UNC45B: variants seen among roughly 807,000 people sequenced by gnomAD.
UNC45B encodes unc-45 myosin chaperone B.
Under a neutral mutation model 98.7 loss-of-function variants are expected in UNC45B, and 78 were observed. The observed-to-expected ratio is 0.79, with a 90% CI of 0.66 to 0.95. The LOEUF is 0.95. Among genes scored for constraint, UNC45B ranks in the 40% least tolerant of loss-of-function variants. UNC45B has a pLI of 0.00. For missense variants in UNC45B, 1,225 were observed against 1,184.9 expected (o/e 1.03, Z -0.50); for synonymous variants, 462 against 480.4 (o/e 0.96, Z 0.50).
In UNC45B at chr17:35,174,305, C is replaced by T. The variant is rs1020631500; in HGVS notation, c.1894C>T (p.Leu632=). Residue 632 remains leucine (L), a synonymous_variant, in exon 14 of 20, where the codon CTG becomes TTG. Coordinates refer to ENST00000394570, the MANE Select transcript of UNC45B (RefSeq NM_001267052.2). ...RLLKAGVISA[L]ACMVKADSAI... ...TCTGAAGGCGGGTGTCATCTCTGCC[C>T]TGGCTTGCATGGTGAAAGCAGATAG... 1.2e-6 allele frequency: 2 copies of T among 1,614,088 alleles called. No individual in the cohort carries two copies. Among genetic ancestry groups the T allele is most frequent in the Admixed American group, 1.7e-5 (1 of 60,000 alleles).
At chr17:35,170,355 C>A in intron 12 of UNC45B, 100 bp downstream of exon 12, 1 of 1,353,640 alleles carries the variant, frequency 7.4e-7, no homozygotes, top group Non-Finnish European at 9.8e-7. Context: ...TGGCTCTACT[C>A]CTTACCCCTG....
rs2092007236 is a variant in UNC45B, at chr17:35,150,195, G to A, written c.353G>A (p.Arg118Lys). The A allele has an allele frequency of 6.2e-7, 1 of 1,613,074 alleles. No homozygotes were observed. The highest frequency in any genetic ancestry group is 1.7e-5 in the Admixed American group (1 of 59,922). Reference sequence around the variant, plus strand: ...AACCAGAACTTCCAGGAGATGCTGAGGAGACTCAACACCAGCATTCAGGAG... The same window carrying A: ...AACCAGAACTTCCAGGAGATGCTGAAGAGACTCAACACCAGCATTCAGGAG... ...PRNQNFQEML[R>K]RLNTSIQEKL... Residue 118 changes from arginine (R) to lysine (K), a missense_variant, in exon 4 of 20, where the codon AGG becomes AAG. Physicochemically the swap from Arg to Lys is conservative, Grantham distance 26. Coordinates refer to ENST00000394570, the MANE Select transcript of UNC45B (RefSeq NM_001267052.2).
rs751985799 is a variant in UNC45B, at chr17:35,168,365, A to G, written c.1452+4A>G. On this transcript the variant is annotated splice_donor_region_variant and intron_variant, in intron 10 of 19. Coordinates refer to ENST00000394570, the MANE Select transcript of UNC45B (RefSeq NM_001267052.2). ...GATCAAGATCCGCACACTGGTGGTG[A>G]GTGGGCTCGGTACCACCCTCCTACT... 8 of 1,337,968 alleles carry G rather than the reference A, an allele frequency of 6.0e-6. No individual in the cohort carries two copies. The allele number at this position is 1,337,968 out of a possible 1,614,324, so 82.9% of individuals were successfully genotyped here.
In UNC45B at chr17:35,174,376, C is replaced by G. The variant is rs2092211857; in HGVS notation, c.1958+7C>G. On this transcript the variant is annotated splice_region_variant and intron_variant, in intron 14 of 19. Coordinates refer to ENST00000394570, the MANE Select transcript of UNC45B (RefSeq NM_001267052.2). Reference sequence around the variant, plus strand: ...CCAAGGAGCTGCTGGCCAGGTGGGGCTGCAGTGGGCCAAGGCTTGGAACTA... The same window carrying G: ...CCAAGGAGCTGCTGGCCAGGTGGGGGTGCAGTGGGCCAAGGCTTGGAACTA... 3 of 1,614,050 alleles carry G rather than the reference C, an allele frequency of 1.9e-6. No individual in the cohort carries two copies. In the African/African-American group the frequency reaches 4.0e-5, roughly 22 times the overall value.
At chr17:35,158,217 T>A (rs2092077442) in intron 7 of UNC45B, among the ~76,000 whole-genome samples, 1 of 152,206 alleles carries the variant, frequency 6.6e-6, no homozygotes, top group Non-Finnish European at 1.5e-5. Flanking sequence ...ATTATTATAA[T>A]GGTCAGCTAG....
chr17:35,166,936 A>G (rs1434941711), intron 9 of UNC45B: 1 of 152,240 alleles, frequency 6.6e-6, no homozygotes, highest in Non-Finnish European at 1.5e-5. Context: ...GTTTCCCACA[A>G]TGCACCAACC....
In UNC45B at chr17:35,148,357, G is replaced by T; in HGVS notation, c.94G>T (p.Ala32Ser). The change falls in exon 2 of 20, where the codon GCC (alanine) becomes TCC (serine). Residue 32 changes from alanine to serine, a missense_variant. Transcript: ENST00000394570. ...YKAATNSYSQ[A>S]LKLTKDKALL... ...GGCCGCCACAAATAGCTACAGCCAG[G>T]CCCTGAAGCTGACCAAGGACAAGGC... is the stretch of plus-strand genomic sequence containing the variant. 1.2e-6 allele frequency: 2 copies of T among 1,614,158 alleles called. No homozygotes were observed.
At chr17:35,161,297 G>A (rs908529763) in intron 8 of UNC45B, among the ~76,000 whole-genome samples, 1 of 152,214 alleles carries the variant, frequency 6.6e-6, no homozygotes, top group African/African-American at 2.4e-5. Context: ...AAGCTGCAAT[G>A]TTGAGGTGTT....
chr17:35,182,248 C>A (rs927829856), intron 18 of UNC45B, among the ~76,000 whole-genome samples: 16 of 152,032 alleles, frequency 1.1e-4, no homozygotes, highest in African/African-American at 3.9e-4. Context: ...TGCCACCACC[C>A]CTGGCTAATC....
In UNC45B at chr17:35,159,489, C is replaced by T; in HGVS notation, c.923C>T (p.Pro308Leu). The T allele has an allele frequency of 6.2e-7, 1 of 1,614,090 alleles. No individual in the cohort carries two copies. The highest frequency in any genetic ancestry group is 8.5e-7 in the Non-Finnish European group (1 of 1,180,008). The stretch of plus-strand genomic sequence containing the variant: ...CTGAACCTGCTCAATAAGAATGTTC[C>T]CAGGAAGGACCTTGCCATTCATGAC... ...QALNLLNKNV[P>L]RKDLAIHDNS... Residue 308 changes from proline (P) to leucine (L), a missense_variant, in exon 8 of 20, where the codon CCC becomes CTC. Pro to Leu is a moderately conservative substitution (Grantham distance 98, BLOSUM62 -3). Coordinates refer to ENST00000394570, the MANE Select transcript of UNC45B (RefSeq NM_001267052.2).
chr17:35,173,520 G>A (rs1335745197), intron 13 of UNC45B, among the ~76,000 whole-genome samples: 1 of 152,148 alleles, frequency 6.6e-6, no homozygotes, highest in Non-Finnish European at 1.5e-5. Flanking sequence ...GTTTCTTTGG[G>A]AGGCTCTAAG....
intron 11 of UNC45B, 73 bp downstream of exon 11, chr17:35,170,004 C>T (rs1255385765): frequency 1.9e-6 from 3 of 1,610,162 alleles, no homozygotes; most frequent in East Asian, 4.5e-5. Context: ...GGGGTGTGCT[C>T]TAGTGGAGTG....
Position 35,171,371 on chromosome 17 carries a change from G to T in UNC45B, c.1739G>T (p.Cys580Phe), listed in dbSNP as rs2092184959. The stretch of plus-strand genomic sequence containing the variant: ...TCGGTGGCCACCACCCTGGTGAACT[G>T]CACCAACAGCTACGATGTCAAGGAG... ...LYSVATTLVN[C>F]TNSYDVKEVI... The change falls in exon 13 of 20, where the codon TGC (cysteine) becomes TTC (phenylalanine). Residue 580 changes from cysteine to phenylalanine, a missense_variant. By Grantham distance (205) the Cys-to-Phe change is radical (BLOSUM62 -2). Transcript: ENST00000394570. 2 of 1,614,234 alleles carry T rather than the reference G, an allele frequency of 1.2e-6. No homozygotes were observed. The highest frequency in any genetic ancestry group is 1.7e-6 in the Non-Finnish European group (2 of 1,180,042).
chr17:35,160,547 C>A (rs1224537582), intron 8 of UNC45B, among the ~76,000 whole-genome samples: 2 of 152,186 alleles, frequency 1.3e-5, no homozygotes, highest in African/African-American at 4.8e-5. Flanking sequence ...CAGTGATCTT[C>A]CTACCCCTCA....
At position 35,153,001 on chromosome 17, in the gene UNC45B, C is replaced by T; in HGVS notation, c.471+19C>T. ...GGAAAAGGTGAGTGCTGGCCAGTGC[C>T]ATCCAGCCAGCAGAAGGACCCGCCA... On this transcript the variant is annotated intron_variant, in intron 5 of 19. Transcript: ENST00000394570. The T allele has an allele frequency of 1.3e-6, 2 of 1,553,228 alleles. No individual in the cohort carries two copies. The highest frequency in any genetic ancestry group is 1.3e-5 in the African/African-American group (1 of 74,394).
rs567064447 is a variant in UNC45B, at chr17:35,187,445, A to G, written c.*886A>G. The G allele has an allele frequency of 3.3e-5, 5 of 152,306 alleles. No individual in the cohort carries two copies. In the South Asian group the frequency reaches 1.0e-3, roughly 32 times the overall value. The allele number at this position is 152,306 out of a possible 1,614,324, so 9.4% of individuals were successfully genotyped here. A position where few individuals can be genotyped will look rare whatever the true frequency, so the allele number is the denominator to read the frequency against. ...GCAGCCCCAGGGTGACATAGTTGTT[A>G]TAGTTCATTATGGAATAGAAGAGAG... On this transcript the variant is annotated 3_prime_UTR_variant, in exon 20 of 20. Transcript: ENST00000394570.
chr17:35,183,349 CTT>C (rs2092284707), intron 18 of UNC45B, 76 bp from the exon 19 acceptor site: 1 of 1,401,958 alleles, frequency 7.1e-7, no homozygotes, highest in African/African-American at 1.5e-5. Flanking sequence ...GGTCAGAGAA[CTT>C]CAGATGTATC....
At position 35,152,919 on chromosome 17, in the gene UNC45B, G is replaced by C. The variant is rs749143678; in HGVS notation, c.408G>C (p.Ser136=). 1 of 1,613,960 alleles carries C rather than the reference G, an allele frequency of 6.2e-7. No individual in the cohort carries two copies. The highest frequency in any genetic ancestry group is 1.1e-5 in the South Asian group (1 of 91,086). Residue 136 remains serine, a synonymous_variant, in exon 5 of 20, where the codon TCG becomes TCC. Transcript: ENST00000394570. The part of the protein sequence containing the change: ...EKLRVQFSTD[S]RVQKMFEILL... ...TCCGAGTGCAGTTCTCCACAGACTC[G>C]AGGGTACAGAAGATGTTTGAGATCC...
intron 5 of UNC45B, among the ~76,000 whole-genome samples, chr17:35,153,754 G>C (rs1355089802): frequency 6.7e-6 from 1 of 148,412 alleles, no homozygotes. Flanking sequence ...AGTTGATAGT[G>C]ATGGTTCTGG....
Sources: allele counts gnomAD v4.1 joint callset (sites outside exome capture counted in the v4.1 genomes callset), GRCh38; gene constraint gnomAD v4.1.1; transcripts MANE v1.5; gene names NCBI Gene and HGNC (gene_info 2026-07-23, HGNC 2026-07-21).